Variants in VCAN observed in about 807,000 individuals in gnomAD.
The protein encoded by VCAN is versican core protein.
VCAN carries 44 observed loss-of-function variants against 245.5 expected under a neutral mutation model. That is an observed-to-expected ratio of 0.18 (90% CI 0.14 to 0.23). The LOEUF is 0.23. Among genes scored for constraint, VCAN ranks in the 10% least tolerant of loss-of-function variants. The pLI, the probability that VCAN is intolerant of heterozygous loss-of-function variation, is 1.00. For synonymous variants in VCAN, 1,413 were observed against 1,437.0 expected, an observed-to-expected ratio of 0.98 and a Z score of 0.38; for missense variants, 3,793 against 4,057.9, an observed-to-expected ratio of 0.93 and a Z score of 1.77.
chr5:83,527,731 C>G (rs1746355695), intron 7 of VCAN, among the ~76,000 whole-genome samples: 1 of 152,166 alleles, frequency 6.6e-6, no homozygotes, highest in Non-Finnish European at 1.5e-5. Flanking sequence ...TACTAACTCA[C>G]TAACCCTGAG....
In VCAN at chr5:83,520,242, C is replaced by T. The variant is rs765969617; in HGVS notation, c.1936C>T (p.Pro646Ser). 9 of 1,613,884 alleles carry T rather than the reference C, an allele frequency of 5.6e-6. No homozygotes were observed. The highest frequency in any genetic ancestry group is 1.1e-5 in the South Asian group (1 of 91,080). Residue 646 changes from proline (P) to serine (S), a missense_variant, in exon 7 of 15, where the codon CCA (proline) becomes TCA (serine). Pro to Ser is a moderately conservative substitution (Grantham distance 74). Coordinates refer to ENST00000265077, the MANE Select transcript of VCAN (RefSeq NM_004385.5). ...CAAATATCTGTCTACTACACCTTTT[C>T]CATCACAGCATCGTACAGAAATAGA... ...LGKYLSTTPF[P>S]SQHRTEIELF...
intron 12 of VCAN, among the ~76,000 whole-genome samples, chr5:83,564,075 C>T (rs1047818581): frequency 6.6e-6 from 1 of 152,146 alleles, no homozygotes; most frequent in African/African-American, 2.4e-5. Flanking sequence ...GAATAGAATG[C>T]AGTCAGGTTG....
intron 1 of VCAN, among the ~76,000 whole-genome samples, chr5:83,477,493 T>C (rs1744432702): frequency 6.6e-6 from 1 of 151,952 alleles, no homozygotes; most frequent in Non-Finnish European, 1.5e-5. Flanking sequence ...AAAAGAAATA[T>C]AAGATGAATC....
At chr5:83,554,805 G>A (rs1008512401) in intron 11 of VCAN, 151 bp from the exon 12 acceptor site, 12 of 729,806 alleles carry the variant, frequency 1.6e-5, no homozygotes, top group Non-Finnish European at 2.6e-5. Flanking sequence ...AGAACAAAAG[G>A]TAGACTAGGA....
At position 83,520,048 on chromosome 5, in the gene VCAN, C is replaced by T. The variant is rs540758500; in HGVS notation, c.1742C>T (p.Thr581Met). 2.2e-5 allele frequency: 36 copies of T among 1,614,032 alleles called. No homozygotes were observed. Among genetic ancestry groups the T allele is most frequent in the African/African-American group, 1.2e-4 (9 of 75,024 alleles). The change falls in exon 7 of 15, where the codon ACG becomes ATG. Residue 581 changes from threonine (T) to methionine (M), a missense_variant. Physicochemically the swap from Thr to Met is moderately conservative, Grantham distance 81 (BLOSUM62 -1). Transcript: ENST00000265077. ...LIFDQIPEVI[T>M]VSKTSEDTIH... The stretch of plus-strand genomic sequence containing the variant: ...TTTGACCAAATTCCTGAAGTCATTA[C>T]GGTGTCAAAGACTTCAGAAGACACC...
In VCAN at chr5:83,573,543, A is replaced by G. The variant is rs1187200221; in HGVS notation, c.9880+983A>G. Among the ~76,000 whole-genome samples, 4 of 152,316 alleles carry G rather than the reference A, an allele frequency of 2.6e-5. No homozygotes were observed. In the East Asian group the frequency reaches 5.8e-4, roughly 22 times the overall value. Reference sequence around the variant, plus strand: ...TAAAATCCCAAAAATAGAATTCTGGAAAAAAACAAATTTTAAAGACATTTA... The same window carrying G: ...TAAAATCCCAAAAATAGAATTCTGGGAAAAAACAAATTTTAAAGACATTTA... On this transcript the variant is annotated intron_variant, in intron 13 of 14. Coordinates refer to ENST00000265077, the MANE Select transcript of VCAN (RefSeq NM_004385.5).
At chr5:83,482,714 T>G (rs541201358) in intron 1 of VCAN, among the ~76,000 whole-genome samples, 1 of 152,330 alleles carries the variant, frequency 6.6e-6, no homozygotes, top group African/African-American at 2.4e-5. Flanking sequence ...GAAGGGAACA[T>G]TCTGAGACCC....
chr5:83,510,693 C>T (rs1050380669), intron 5 of VCAN, among the ~76,000 whole-genome samples: 2 of 152,170 alleles, frequency 1.3e-5, no homozygotes, highest in Non-Finnish European at 2.9e-5. Flanking sequence ...TGTTAGTTAG[C>T]TAAGTAAAAT....
At chr5:83,533,523 A>T (rs1746599655) in intron 7 of VCAN, among the ~76,000 whole-genome samples, 1 of 152,104 alleles carries the variant, frequency 6.6e-6, no homozygotes, top group African/African-American at 2.4e-5. Context: ...GGTACTCAGT[A>T]AATTTTGAGA....
In VCAN at chr5:83,578,249, C is replaced by A. The variant is rs552782221; in HGVS notation, c.9881-1731C>A. Among the ~76,000 whole-genome samples, 3 of 151,988 alleles carry A rather than the reference C, an allele frequency of 2.0e-5. No homozygotes were observed. In the South Asian group the frequency reaches 6.2e-4, roughly 32 times the overall value. ...CACAGGAACAGAAAACCAAATACTG[C>A]GTATTTTCACTTATAAGTGAGAGCT... On this transcript the variant is annotated intron_variant, in intron 13 of 14. Transcript: ENST00000265077.
chr5:83,476,628 TTCC>T (rs943426553), intron 1 of VCAN, among the ~76,000 whole-genome samples: 65 of 152,162 alleles, frequency 4.3e-4, no homozygotes, highest in African/African-American at 1.4e-3. Flanking sequence ...TTTTGCCAGT[TTCC>T]TCTTGTAGCC....
rs1746128964 is a variant in VCAN at position 83,522,066 on chromosome 5, T to C, written c.3760T>C (p.Ser1254Pro). 6.2e-7 allele frequency: 1 copy of C among 1,614,064 alleles called. No homozygotes were observed. The highest frequency in any genetic ancestry group is 8.5e-7 in the Non-Finnish European group (1 of 1,180,030). The change falls in exon 7 of 15, where the codon TCA becomes CCA. Residue 1254 changes from serine (S) to proline (P), a missense_variant. Transcript: ENST00000265077. ...CAGTGACATGGTAATCATTGGAGAA[T>C]CAACATCTCATGTTCCTCCCACTAC... ...TTSDMVIIGE[S>P]TSHVPPTTLE... is the part of the protein sequence containing the mutation.
At chr5:83,514,428 ATG>A (rs57400723) in intron 6 of VCAN, among the ~76,000 whole-genome samples, 38 of 145,108 alleles carry the variant, frequency 2.6e-4, no homozygotes, top group African/African-American at 3.8e-4. Flanking sequence ...TTTAGTGTAT[ATG>A]TGTGTGTGTG....
rs1199877854 is a variant in VCAN, at chr5:83,580,993, G to A, written c.*559G>A. ...CAGCTAGAAAACACAAAATCTTGTA[G>A]GTCATTGCACCTATCTCAGCCATAG... On this transcript the variant is annotated 3_prime_UTR_variant, in exon 15 of 15. Coordinates refer to ENST00000265077, the MANE Select transcript of VCAN (RefSeq NM_004385.5). 5.5e-6 allele frequency: 1 copy of A among 182,720 alleles called. No homozygotes were observed. The highest frequency in any genetic ancestry group is 1.2e-5 in the Non-Finnish European group (1 of 86,144). The allele number at this position is 182,720 out of a possible 1,614,324, so 11.3% of individuals were successfully genotyped here.
intron 6 of VCAN, among the ~76,000 whole-genome samples, chr5:83,517,069 A>G (rs1191478589): frequency 6.6e-6 from 1 of 152,224 alleles, no homozygotes. Flanking sequence ...AAGTCACATA[A>G]ATACTGGCTT....
chr5:83,497,255 G>A (rs1433430436), intron 5 of VCAN, among the ~76,000 whole-genome samples: 2 of 152,172 alleles, frequency 1.3e-5, no homozygotes, highest in African/African-American at 4.8e-5. Flanking sequence ...AAGATATATA[G>A]TTGACAGTAT....
rs1372450091 is a variant in VCAN, at chr5:83,493,141, C to T, written c.446-405C>T. On this transcript the variant is annotated intron_variant, in intron 3 of 14. Coordinates refer to ENST00000265077, the MANE Select transcript of VCAN (RefSeq NM_004385.5). Reference sequence around the variant, plus strand: ...TCATGCATAAATATTGGGTTGACCCCGGATAAAGTCCTGAAGTAGAAGTTG... The same window carrying T: ...TCATGCATAAATATTGGGTTGACCCTGGATAAAGTCCTGAAGTAGAAGTTG... Among the ~76,000 whole-genome samples, 11 of 152,162 alleles carry T rather than the reference C, an allele frequency of 7.2e-5. No individual in the cohort carries two copies. In the South Asian group the frequency reaches 1.4e-3, roughly 20 times the overall value.
chr5:83,474,556 C>A (rs896692184), intron 1 of VCAN, among the ~76,000 whole-genome samples: 3 of 152,334 alleles, frequency 2.0e-5, no homozygotes, highest in Admixed American at 6.5e-5. Flanking sequence ...CCGCAACGGG[C>A]GCTCCCCGCA....
intron 13 of VCAN, among the ~76,000 whole-genome samples, chr5:83,578,733 G>T (rs1748563339): frequency 6.6e-6 from 1 of 152,048 alleles, no homozygotes; most frequent in Admixed American, 6.6e-5. Flanking sequence ...AGAGAATGTG[G>T]CATGTTTTTG....
Sources: gnomAD v4.1 joint callset for allele counts (sites outside exome capture counted in the v4.1 genomes callset) on GRCh38, gnomAD v4.1.1 for gene constraint, MANE v1.5 for transcripts, NCBI Gene and HGNC (gene_info 2026-07-23, HGNC 2026-07-21) for gene names.